Variants in TNFRSF6B observed in about 807,000 individuals in gnomAD.
TNFRSF6B encodes TNF receptor superfamily member 6b.
TNFRSF6B carries 23 observed loss-of-function variants against 17.9 expected under a neutral mutation model. The ratio of observed to expected loss-of-function variants is 1.28; its 90% CI spans 0.92 to 1.82. The LOEUF is 1.82. Among genes scored for constraint, TNFRSF6B ranks in the 40% most tolerant of loss-of-function variants. TNFRSF6B has a pLI of 0.00. For synonymous variants in TNFRSF6B, 291 were observed against 195.8 expected (o/e 1.49, Z -4.06); for missense variants, 555 against 437.2 (o/e 1.27, Z -2.40).
rs2091005782 is a variant in TNFRSF6B at position 63,697,407 on chromosome 20, C to G, written c.504C>G (p.Cys168Trp). Residue 168 changes from cysteine (C) to tryptophan (W), a missense_variant, in exon 2 of 3, where the codon TGC (cysteine) becomes TGG (tryptophan). Physicochemically the swap from Cys to Trp is radical, Grantham distance 215. Coordinates refer to ENST00000369996, the MANE Select transcript of TNFRSF6B (RefSeq NM_003823.4). ...CCAGCAGCTCCAGCTCAGAGCAGTG[C>G]CAGCCCCACCGCAACTGCACGGCCC... ...FSASSSSSEQ[C>W]QPHRNCTALG... 6.2e-7 allele frequency: 1 copy of G among 1,611,062 alleles called. No individual in the cohort carries two copies. The highest frequency in any genetic ancestry group is 8.5e-7 in the Non-Finnish European group (1 of 1,179,354).
Position 63,697,540 on chromosome 20 carries a change from G to GGGGGCA in TNFRSF6B, c.619+20_619+25dup. ...GGTACCAGGTGAGCCAGAGGCCTGA[G>GGGGGCA]GGGGCAGCACACTGCAGGCCAGGCC... On this transcript the variant is annotated intron_variant, in intron 2 of 2. Transcript: ENST00000369996. The GGGGGCA allele has an allele frequency of 6.5e-7, 1 of 1,533,576 alleles. No homozygotes were observed. 95.0% of individuals were successfully genotyped at this position (1,533,576 alleles called of 1,614,324 possible).
In TNFRSF6B at chr20:63,697,531, G is replaced by A; in HGVS notation, c.619+9G>A. On this transcript the variant is annotated intron_variant, in intron 2 of 2. Transcript: ENST00000369996. ...CAGCACCAGGGTACCAGGTGAGCCAGAGGCCTGAGGGGGCAGCACACTGCA... is the reference window on the plus strand; with the variant it reads ...CAGCACCAGGGTACCAGGTGAGCCAAAGGCCTGAGGGGGCAGCACACTGCA... The A allele has an allele frequency of 6.5e-7, 1 of 1,537,142 alleles. No homozygotes were observed. The highest frequency in any genetic ancestry group is 8.8e-7 in the Non-Finnish European group (1 of 1,137,200).
At position 63,697,042 on chromosome 20, in the gene TNFRSF6B, A is replaced by T; in HGVS notation, c.275A>T (p.Asn92Ile). 1.2e-6 allele frequency: 2 copies of T among 1,607,518 alleles called. No individual in the cohort carries two copies. Among genetic ancestry groups the T allele is most frequent in the Non-Finnish European group, 1.7e-6 (2 of 1,179,074 alleles). The change falls in exon 1 of 3, where the codon AAC becomes ATC. Residue 92 changes from asparagine (N) to isoleucine (I), a missense_variant. Physicochemically the swap from Asn to Ile is moderately radical, Grantham distance 149. Transcript: ENST00000369996. ...TACCTAGAGCGCTGCCGCTACTGCA[A>T]CGTCCTCTGCGGGGAGCGTGAGGAG... Reference protein sequence around the residue: ...WNYLERCRYCNVLCGEREEEA... With the variant: ...WNYLERCRYCIVLCGEREEEA...
Position 63,698,413 on chromosome 20 carries a change from G to C in TNFRSF6B, c.753G>C (p.Ala251=), listed in dbSNP as rs550888663. The C allele has an allele frequency of 6.3e-7, 1 of 1,591,684 alleles. No individual in the cohort carries two copies. Among genetic ancestry groups the C allele is most frequent in the Admixed American group, 1.8e-5 (1 of 55,252 alleles). The change falls in exon 3 of 3, where the codon GCG becomes GCC. Residue 251 remains alanine (A), a synonymous_variant. Coordinates refer to ENST00000369996, the MANE Select transcript of TNFRSF6B (RefSeq NM_003823.4). ...GTCCGACACCAAGGGCGGGCCGCGC[G>C]GCCTTGCAGCTGAAGCTGCGTCGGC... ...GWGPTPRAGR[A]ALQLKLRRRL...
rs889563477 is a variant in TNFRSF6B at position 63,697,168 on chromosome 20, C to G, written c.401C>G (p.Pro134Arg). 3.2e-6 allele frequency: 5 copies of G among 1,566,350 alleles called. No individual in the cohort carries two copies. Among genetic ancestry groups the G allele is most frequent in the Admixed American group, 1.9e-5 (1 of 53,354 alleles). The change falls in exon 1 of 3, where the codon CCT (proline) becomes CGT (arginine). Residue 134 changes from proline (P) to arginine (R), a missense_variant. By Grantham distance (103) the Pro-to-Arg change is moderately radical. Coordinates refer to ENST00000369996, the MANE Select transcript of TNFRSF6B (RefSeq NM_003823.4). ...TGCTTGGAGCACGCATCGTGTCCAC[C>G]TGGTGCCGGCGTGATTGCCCCGGGT... ...GFCLEHASCP[P>R]GAGVIAPGTP... is the part of the protein sequence containing the mutation.
In TNFRSF6B at chr20:63,698,543, CGCTTCCTCCCTGTGCACTGATCCTG is replaced by C; in HGVS notation, c.886_*7del. 3 of 1,536,244 alleles carry C rather than the reference CGCTTCCTCCCTGTGCACTGATCCTG, an allele frequency of 2.0e-6. No individual in the cohort carries two copies. The highest frequency in any genetic ancestry group is 2.6e-6 in the Non-Finnish European group (3 of 1,151,956). On this transcript the variant is annotated stop_lost and 3_prime_UTR_variant, in exon 3 of 3. Transcript: ENST00000369996. ...CGGGCTGGAGCGGAGCGTCCGTGAG[CGCTTCCTCCCTGTGCACTGATCCTG>C]GCCCCCTCTTATTTATTCTACATCC...
chr20:63,697,048 T>C lies in TNFRSF6B; in HGVS notation c.281T>C (p.Leu94Pro), dbSNP rs748292712. Residue 94 changes from leucine to proline, a missense_variant, in exon 1 of 3, where the codon CTC (leucine) becomes CCC (proline). Coordinates refer to ENST00000369996, the MANE Select transcript of TNFRSF6B (RefSeq NM_003823.4). ...YLERCRYCNVLCGEREEEARA... is the reference protein window; with the variant it reads ...YLERCRYCNVPCGEREEEARA... The stretch of plus-strand genomic sequence containing the variant: ...GAGCGCTGCCGCTACTGCAACGTCC[T>C]CTGCGGGGAGCGTGAGGAGGAGGCA... 2 of 1,607,328 alleles carry C rather than the reference T, an allele frequency of 1.2e-6. No individual in the cohort carries two copies. Among genetic ancestry groups the C allele is most frequent in the South Asian group, 2.2e-5 (2 of 90,954 alleles).
rs917853575 is a variant in TNFRSF6B at position 63,698,519 on chromosome 20, G to A, written c.859G>A (p.Gly287Arg). ...LQALRVARMPGLERSVRERFL... is the reference protein window; with the variant it reads ...LQALRVARMPRLERSVRERFL... ...GGCGCTGCGCGTGGCCAGGATGCCC[G>A]GGCTGGAGCGGAGCGTCCGTGAGCG... Residue 287 changes from glycine to arginine, a missense_variant, in exon 3 of 3, where the codon GGG (glycine) becomes AGG (arginine). Physicochemically the swap from Gly to Arg is moderately radical, Grantham distance 125. Transcript: ENST00000369996. 25 of 1,547,924 alleles carry A rather than the reference G, an allele frequency of 1.6e-5. No individual in the cohort carries two copies. The highest frequency in any genetic ancestry group is 6.4e-5 in the Admixed American group (3 of 47,242).
chr20:63,696,974 G>C lies in TNFRSF6B; in HGVS notation c.207G>C (p.Thr69=). The change falls in exon 1 of 3, where the codon ACG becomes ACC. Residue 69 remains threonine (T), a synonymous_variant. Transcript: ENST00000369996. Reference sequence around the variant, plus strand: ...CGTGCCGCCGAGACAGCCCCACGACGTGTGGCCCGTGTCCACCGCGCCACT... The same window carrying C: ...CGTGCCGCCGAGACAGCCCCACGACCTGTGGCCCGTGTCCACCGCGCCACT... The part of the protein sequence containing the change: ...QRPCRRDSPT[T]CGPCPPRHYT... 1 of 1,607,568 alleles carries C rather than the reference G, an allele frequency of 6.2e-7. No homozygotes were observed. The highest frequency in any genetic ancestry group is 8.5e-7 in the Non-Finnish European group (1 of 1,178,770).
In TNFRSF6B at chr20:63,697,382, C is replaced by A. The variant is rs1023632629; in HGVS notation, c.479C>A (p.Ala160Asp). The A allele has an allele frequency of 7.4e-6, 12 of 1,612,032 alleles. No individual in the cohort carries two copies. In the African/African-American group the frequency reaches 1.6e-4, roughly 22 times the overall value. The part of the protein sequence containing the change: ...CQPCPPGTFS[A>D]SSSSSEQCQP... ...CCGTGCCCCCCAGGCACCTTCTCAG[C>A]CAGCAGCTCCAGCTCAGAGCAGTGC... The change falls in exon 2 of 3, where the codon GCC (alanine) becomes GAC (aspartate). Residue 160 changes from alanine (A) to aspartate (D), a missense_variant. By Grantham distance (126) the Ala-to-Asp change is moderately radical. Transcript: ENST00000369996.
intron 2 of TNFRSF6B, 44 bp downstream of exon 2, chr20:63,697,566 C>T (rs753499037): frequency 1.7e-5 from 26 of 1,490,356 alleles, no homozygotes; most frequent in Non-Finnish European, 2.3e-5. Context: ...AGGCCAGGCC[C>T]ACTTGTGCCC....
chr20:63,698,573 CCT>C lies in TNFRSF6B; in HGVS notation c.*13_*14del, dbSNP rs1217081855. The C allele has an allele frequency of 5.4e-6, 8 of 1,478,722 alleles. No homozygotes were observed. The highest frequency in any genetic ancestry group is 3.0e-5 in the African/African-American group (2 of 67,138). 91.6% of individuals were successfully genotyped at this position (1,478,722 alleles called of 1,614,324 possible). A position where few individuals can be genotyped will look rare whatever the true frequency, so the allele number is the denominator to read the frequency against. Reference sequence around the variant, plus strand: ...CCTCCCTGTGCACTGATCCTGGCCCCCTCTTATTTATTCTACATCCTTGGCAC... The same window carrying C: ...CCTCCCTGTGCACTGATCCTGGCCCCCTTATTTATTCTACATCCTTGGCAC... On this transcript the variant is annotated 3_prime_UTR_variant, in exon 3 of 3. Coordinates refer to ENST00000369996, the MANE Select transcript of TNFRSF6B (RefSeq NM_003823.4).
In TNFRSF6B at chr20:63,698,522, C is replaced by T; in HGVS notation, c.862C>T (p.Leu288=). The change falls in exon 3 of 3, where the codon CTG becomes TTG. Residue 288 remains leucine, a synonymous_variant. Transcript: ENST00000369996. ...QALRVARMPG[L]ERSVRERFLP... is the part of the protein sequence containing the mutation. ...GCTGCGCGTGGCCAGGATGCCCGGG[C>T]TGGAGCGGAGCGTCCGTGAGCGCTT... is the stretch of plus-strand genomic sequence containing the variant. 1 of 1,549,622 alleles carries T rather than the reference C, an allele frequency of 6.5e-7. No individual in the cohort carries two copies. The highest frequency in any genetic ancestry group is 8.6e-7 in the Non-Finnish European group (1 of 1,156,706).
At chr20:63,697,893 G>A (rs938473024) in intron 2 of TNFRSF6B, among the ~76,000 whole-genome samples, 1 of 152,182 alleles carries the variant, frequency 6.6e-6, no homozygotes, top group Non-Finnish European at 1.5e-5. Context: ...GGGAAACCGA[G>A]GCCCAATGTT....
rs764404347 is a variant in TNFRSF6B, at chr20:63,698,294, G to T, written c.634G>T (p.Glu212Ter). The change falls in exon 3 of 3, where the codon GAG becomes TAG. Residue 212 changes from glutamate to a stop codon, truncating the protein, a stop_gained. Coordinates refer to ENST00000369996, the MANE Select transcript of TNFRSF6B (RefSeq NM_003823.4). LOFTEE classifies it low-confidence loss of function (END_TRUNC). Reference protein sequence around the residue: ...STRVPGAEECERAVIDFVAFQ... With the variant: ...STRVPGAEEC ...CCCCACTGCAGGAGCTGAGGAGTGT[G>T]AGCGTGCCGTCATCGACTTTGTGGC... is the stretch of plus-strand genomic sequence containing the variant. 8 of 1,610,786 alleles carry T rather than the reference G, an allele frequency of 5.0e-6. No homozygotes were observed. Among genetic ancestry groups the T allele is most frequent in the Non-Finnish European group, 6.8e-6 (8 of 1,179,222 alleles).
In TNFRSF6B at chr20:63,698,621, C is replaced by T. The variant is rs545455758; in HGVS notation, c.*58C>T. 3,714 of 1,405,184 alleles carry T rather than the reference C, an allele frequency of 2.6e-3. 20 individuals are homozygous for T. Among genetic ancestry groups the T allele is most frequent in the Non-Finnish European group, 2.7e-3 (2,933 of 1,073,922 alleles). 87.0% of individuals were successfully genotyped at this position (1,405,184 alleles called of 1,614,324 possible). On this transcript the variant is annotated 3_prime_UTR_variant, in exon 3 of 3. Transcript: ENST00000369996. ...GGCACCCCACTTGCACTGAAAGAGG[C>T]TTTTTTTTAAATAGAAGAAATGAGG...
At position 63,696,705 on chromosome 20, in the gene TNFRSF6B, G is replaced by C. The variant is rs763825579; in HGVS notation, c.-63G>C. Reference sequence around the variant, plus strand: ...CCGGGGGCAAAGGAGGTGGCATGTCGGTCAGGCACAGCAGGGTCCTGTGTC... The same window carrying C: ...CCGGGGGCAAAGGAGGTGGCATGTCCGTCAGGCACAGCAGGGTCCTGTGTC... On this transcript the variant is annotated 5_prime_UTR_variant, in exon 1 of 3. Transcript: ENST00000369996. 300 of 1,442,122 alleles carry C rather than the reference G, an allele frequency of 2.1e-4. 1 individual carries two copies. The highest frequency in any genetic ancestry group is 2.7e-4 in the Non-Finnish European group (295 of 1,097,948). The allele number at this position is 1,442,122 out of a possible 1,614,324, so 89.3% of individuals were successfully genotyped here.
At chr20:63,697,654 G>C (rs1283945931) in intron 2 of TNFRSF6B, 132 bp downstream of exon 2, 1 of 1,006,904 alleles carries the variant, frequency 9.9e-7, no homozygotes, top group Non-Finnish European at 1.4e-6. Flanking sequence ...GGATTTGAGG[G>C]GTCAGGGGTC....
chr20:63,698,532 G>T lies in TNFRSF6B; in HGVS notation c.872G>T (p.Ser291Ile). Residue 291 changes from serine to isoleucine, a missense_variant, in exon 3 of 3, where the codon AGC becomes ATC. Physicochemically the swap from Ser to Ile is moderately radical, Grantham distance 142 (BLOSUM62 -2). Transcript: ENST00000369996. ...GCCAGGATGCCCGGGCTGGAGCGGA[G>T]CGTCCGTGAGCGCTTCCTCCCTGTG... The part of the protein sequence containing the change: ...RVARMPGLER[S>I]VRERFLPVH 1 of 1,541,490 alleles carries T rather than the reference G, an allele frequency of 6.5e-7. No homozygotes were observed. The highest frequency in any genetic ancestry group is 8.7e-7 in the Non-Finnish European group (1 of 1,154,012).
Sources: allele counts gnomAD v4.1 joint callset (sites outside exome capture counted in the v4.1 genomes callset), GRCh38; gene constraint gnomAD v4.1.1; transcripts MANE v1.5; gene names NCBI Gene and HGNC (gene_info 2026-07-23, HGNC 2026-07-21).